Variants in SYNE2 observed in about 807,000 individuals in gnomAD.
SYNE2 encodes nesprin-2.
In SYNE2, 431 loss-of-function variants were observed where a neutral mutation model predicts 856.3. That is an observed-to-expected ratio of 0.50 (90% CI 0.47 to 0.55). SYNE2 has a LOEUF of 0.55. SYNE2 is among the 20% of genes least tolerant of loss of function. The probability of loss-of-function intolerance (pLI) is 0.00; values close to 1 mark genes in which losing one functional copy is unlikely to be tolerated. For missense variants in SYNE2, 8,129 were observed against 8,023.2 expected (o/e 1.01, Z -0.50); for synonymous variants, 2,923 against 2,872.3 (o/e 1.02, Z -0.56).
intron 89 of SYNE2, among the ~76,000 whole-genome samples, chr14:64,164,129 T>TA (rs1567515534): frequency 2.0e-4 from 30 of 148,690 alleles, no homozygotes; most frequent in Admixed American, 2.0e-4. Flanking sequence ...TTTATTTATT[T>TA]TGAGATGTCT....
chr14:63,800,627 A>G (rs1209436190), intron 1 of SYNE2, among the ~76,000 whole-genome samples: 1 of 152,210 alleles, frequency 6.6e-6, no homozygotes, highest in African/African-American at 2.4e-5. Flanking sequence ...AATGTTTTGT[A>G]GCCATAAAAA....
In SYNE2 at chr14:63,981,067, T is replaced by G. The variant is rs539696433; in HGVS notation, c.1730T>G (p.Val577Gly). 1 of 1,602,348 alleles carries G rather than the reference T, an allele frequency of 6.2e-7. No individual in the cohort carries two copies. The highest frequency in any genetic ancestry group is 1.1e-5 in the South Asian group (1 of 90,700). ...ATGTATAGAAAAAATATATATAATG[T>G]GAAGTCCACTCTACAAAAAGTGCTG... is the stretch of plus-strand genomic sequence containing the variant. The part of the protein sequence containing the change: ...VCMYRKNIYN[V>G]KSTLQKVLAC... The change falls in exon 16 of 116, where the codon GTG becomes GGG. Residue 577 changes from valine to glycine, a missense_variant. Transcript: ENST00000555002.
rs115226736 is a variant in SYNE2 at position 64,099,338 on chromosome 14, G to A, written c.12381+517G>A. 4.7e-3 allele frequency: 867 copies of A among 182,720 alleles called. 8 individuals carry two copies. Among genetic ancestry groups the A allele is most frequent in the African/African-American group, 0.02 (821 of 41,778 alleles). The allele number at this position is 182,720 out of a possible 1,614,324, so 11.3% of individuals were successfully genotyped here. A position where few individuals can be genotyped will look rare whatever the true frequency, so the allele number is the denominator to read the frequency against. ...ATACTTGAAAAAATAAGTTGCAATG[G>A]GTCTTAAGACAAAAGGAAGAAAATT... On this transcript the variant is annotated intron_variant, in intron 63 of 115. Coordinates refer to ENST00000555002, the MANE Select transcript of SYNE2 (RefSeq NM_182914.3).
chr14:64,190,690 G>A (rs2139636406), intron 99 of SYNE2: 1 of 691,390 alleles, frequency 1.4e-6, no homozygotes, highest in Admixed American at 2.1e-5. Context: ...GCAGGGGCAG[G>A]AGTCTACTCT....
chr14:64,173,297 C>G (rs1555525906), intron 94 of SYNE2, among the ~76,000 whole-genome samples: 1 of 152,186 alleles, frequency 6.6e-6, no homozygotes, highest in Non-Finnish European at 1.5e-5. Flanking sequence ...GTGCTGTTGA[C>G]AGAGTTAGGG....
chr14:64,186,629 T>A, intron 97 of SYNE2, 50 bp downstream of exon 97: 1 of 1,612,108 alleles, frequency 6.2e-7, no homozygotes, highest in Non-Finnish European at 8.5e-7. Flanking sequence ...GATTGAAATG[T>A]CTCTGAAGGC....
At chr14:64,131,666 C>T (rs982088162) in intron 76 of SYNE2, among the ~76,000 whole-genome samples, 2 of 152,068 alleles carry the variant, frequency 1.3e-5, no homozygotes, top group African/African-American at 2.4e-5. Flanking sequence ...ATTGTAGCCT[C>T]GAGATCCTGG....
chr14:64,205,024 CCT>C (rs1318252157), intron 100 of SYNE2, among the ~76,000 whole-genome samples: 1 of 152,216 alleles, frequency 6.6e-6, no homozygotes, highest in Non-Finnish European at 1.5e-5. Context: ...TGTCTGTCTT[CCT>C]AGTCACATCT....
chr14:64,021,225 G>A, intron 35 of SYNE2, 90 bp from the exon 36 acceptor site: 1 of 980,236 alleles, frequency 1.0e-6, no homozygotes, highest in South Asian at 1.3e-5. Context: ...TTGAAATGAA[G>A]TAATCTCAAC....
chr14:64,170,570 C>G (rs2098405811), intron 94 of SYNE2, 108 bp downstream of exon 94: 1 of 1,167,586 alleles, frequency 8.6e-7, no homozygotes, highest in Non-Finnish European at 1.2e-6. Context: ...TCCAAGTGGG[C>G]TCTCTGCAGT....
chr14:64,167,500 T>C lies in SYNE2; in HGVS notation c.16766T>C (p.Leu5589Pro), dbSNP rs1201316344. 6.2e-7 allele frequency: 1 copy of C among 1,614,204 alleles called. No homozygotes were observed. The highest frequency in any genetic ancestry group is 2.2e-5 in the East Asian group (1 of 44,880). Residue 5589 changes from leucine (L) to proline (P), a missense_variant, in exon 92 of 116, where the codon CTT becomes CCT. Around this residue, in one of 3 missense-constraint regions of SYNE2, gnomAD observed 5,410 missense variants for 5,284.8 expected, o/e 1.02. Transcript: ENST00000555002. ...TTTGTTTTAAACCTTTGTAGTGAGCTTCAGGGAATTGGATTGAATGAAAAG... is the reference window on the plus strand; with the variant it reads ...TTTGTTTTAAACCTTTGTAGTGAGCCTCAGGGAATTGGATTGAATGAAAAG... The part of the protein sequence containing the change: ...TATALERCSE[L>P]QGIGLNEKFL...
chr14:64,148,999 ATTC>A (rs2098215272), intron 84 of SYNE2, among the ~76,000 whole-genome samples: 1 of 124,082 alleles, frequency 8.1e-6, no homozygotes, highest in South Asian at 2.5e-4. Flanking sequence ...TTTTTCCACT[ATTC>A]TTTGCATACA....
At chr14:63,802,042 T>C (rs984868670) in intron 1 of SYNE2, among the ~76,000 whole-genome samples, 1 of 148,506 alleles carries the variant, frequency 6.7e-6, no homozygotes, top group Non-Finnish European at 1.5e-5. Context: ...ACTTAAAAAC[T>C]TTTTTTATAA....
At chr14:63,910,566 T>A (rs1595579402) in intron 2 of SYNE2, among the ~76,000 whole-genome samples, 2 of 152,270 alleles carry the variant, frequency 1.3e-5, no homozygotes, top group Admixed American at 1.3e-4. Context: ...TGGAAAAAAA[T>A]TATTGTTTTT....
At chr14:64,024,120 C>T (rs2096959220) in intron 38 of SYNE2, 137 bp from the exon 39 acceptor site, 4 of 727,916 alleles carry the variant, frequency 5.5e-6, no homozygotes, top group Non-Finnish European at 9.7e-6. Context: ...ATAGCCACAT[C>T]TCCATCACCC....
chr14:63,792,862 A>G (rs1887784638), intron 1 of SYNE2, among the ~76,000 whole-genome samples: 1 of 151,666 alleles, frequency 6.6e-6, no homozygotes, highest in African/African-American at 2.4e-5. Context: ...TATTTTTTGT[A>G]GAGATGGGGT....
chr14:63,805,100 G>C (rs1888308373), intron 1 of SYNE2, among the ~76,000 whole-genome samples: 1 of 152,178 alleles, frequency 6.6e-6, no homozygotes, highest in Admixed American at 6.5e-5. Flanking sequence ...ATTGGTCTGT[G>C]TGTCTCTTTT....
At chr14:63,941,219 T>A (rs2095910570) in intron 3 of SYNE2, among the ~76,000 whole-genome samples, 1 of 152,204 alleles carries the variant, frequency 6.6e-6, no homozygotes, top group African/African-American at 2.4e-5. Flanking sequence ...CACTGTGCCA[T>A]CCTACCACAC....
intron 22 of SYNE2, 21 bp downstream of exon 22, chr14:63,993,990 C>A: frequency 6.2e-7 from 1 of 1,612,720 alleles, no homozygotes; most frequent in South Asian, 1.1e-5. Flanking sequence ...GCATATGTTT[C>A]TGAACTTACG....
Sources: gnomAD v4.1 joint callset for allele counts (sites outside exome capture counted in the v4.1 genomes callset) on GRCh38, gnomAD v4.1.1 for gene constraint, gnomAD v4.1.1 regional missense constraint, MANE v1.5 for transcripts, NCBI Gene and HGNC (gene_info 2026-07-23, HGNC 2026-07-21) for gene names.